The following CUBN variants were observed in gnomAD, a reference collection of about 807,000 sequenced individuals.
CUBN encodes the protein cubilin.
A neutral mutation model predicts 405.3 loss-of-function variants in CUBN; 282 were observed. That is an observed-to-expected ratio of 0.70 (90% CI 0.63 to 0.77). The LOEUF (loss-of-function observed/expected upper bound fraction) is 0.77, where lower values mean the gene tolerates loss of function less well. Among genes scored for constraint, CUBN ranks in the 30% least tolerant of loss-of-function variants. The pLI is 0.00. For synonymous variants in CUBN, 1,684 were observed against 1,617.0 expected (o/e 1.04, Z -0.99); for missense variants, 4,514 against 4,475.2 (o/e 1.01, Z -0.25).
intron 28 of CUBN, among the ~76,000 whole-genome samples, chr10:16,998,791 G>T (rs1272912423): frequency 7.2e-5 from 11 of 152,174 alleles, no homozygotes; most frequent in African/African-American, 2.4e-4. Flanking sequence ...AAACAGAAAA[G>T]GTCTATTGTT....
intron 31 of CUBN, among the ~76,000 whole-genome samples, chr10:16,965,439 C>T (rs931012622): frequency 2.0e-5 from 3 of 152,196 alleles, no homozygotes; most frequent in Admixed American, 1.3e-4. Flanking sequence ...GGCTGCCCCT[C>T]TCTGCTGTAA....
chr10:17,008,335 C>CGTGTGTGTGT (rs10678462), intron 28 of CUBN, among the ~76,000 whole-genome samples: 1 of 138,894 alleles, frequency 7.2e-6, no homozygotes, highest in South Asian at 2.4e-4. Context: ...AGTCCCTCCC[C>CGTGTGTGTGT]GTGTGTGTGT....
At chr10:16,924,509 T>C (rs1168406155) in intron 43 of CUBN, among the ~76,000 whole-genome samples, 1 of 151,586 alleles carries the variant, frequency 6.6e-6, no homozygotes, top group Non-Finnish European at 1.5e-5. Flanking sequence ...TTCATTTACA[T>C]ATATATATAT....
intron 47 of CUBN, among the ~76,000 whole-genome samples, chr10:16,914,541 A>G (rs1841827389): frequency 6.6e-6 from 1 of 152,036 alleles, no homozygotes; most frequent in South Asian, 2.1e-4. Flanking sequence ...CCTGGACAAC[A>G]GAGCGAGACA....
chr10:16,907,432 C>T (rs1415589224), intron 49 of CUBN, 76 bp downstream of exon 49: 2 of 1,439,018 alleles, frequency 1.4e-6, no homozygotes, highest in Non-Finnish European at 2.0e-6. Context: ...GATGGCTCTG[C>T]TGCCATTGGC....
intron 63 of CUBN, among the ~76,000 whole-genome samples, chr10:16,836,017 A>G (rs1839157404): frequency 6.6e-6 from 1 of 152,358 alleles, no homozygotes; most frequent in East Asian, 1.9e-4. Flanking sequence ...TAGCATTCTA[A>G]CCATCCTGGA....
chr10:16,975,681 A>G (rs1833072052), intron 31 of CUBN, among the ~76,000 whole-genome samples: 1 of 132,044 alleles, frequency 7.6e-6, no homozygotes. Context: ...GCCAGGCTGG[A>G]GTGCAGTGGT....
intron 56 of CUBN, among the ~76,000 whole-genome samples, chr10:16,881,175 T>C (rs183171022): frequency 1.7e-4 from 26 of 152,246 alleles, no homozygotes; most frequent in African/African-American, 5.8e-4. Context: ...TAGGGAAAAA[T>C]TGCTGATGCT....
At chr10:17,064,712 T>A (rs1490641820) in intron 22 of CUBN, among the ~76,000 whole-genome samples, 1 of 152,174 alleles carries the variant, frequency 6.6e-6, no homozygotes, top group Non-Finnish European at 1.5e-5. Context: ...CACAGGCTCT[T>A]GGGGCTGGGA....
At chr10:17,044,284 AAAAT>A (rs1468910096) in intron 25 of CUBN, among the ~76,000 whole-genome samples, 1 of 147,392 alleles carries the variant, frequency 6.8e-6, no homozygotes, top group African/African-American at 2.5e-5. Flanking sequence ...AAATATATAT[AAAAT>A]AAATATATCT....
At position 16,992,588 on chromosome 10, in the gene CUBN, A is replaced by C. The variant is rs560301229; in HGVS notation, c.4169-2073T>G. Among the ~76,000 whole-genome samples the C allele has an allele frequency of 2.2e-3, 336 of 152,320 alleles. 1 individual carries two copies. The highest frequency in any genetic ancestry group is 7.9e-3 in the African/African-American group (327 of 41,578). Reference sequence around the variant, plus strand: ...TTTTAAAAGTTAAGGAGTTAAAAAAAAAATCTCCGTGCAGAATTCCCCACT... The same window carrying C: ...TTTTAAAAGTTAAGGAGTTAAAAAACAAATCTCCGTGCAGAATTCCCCACT... On this transcript the variant is annotated intron_variant, in intron 28 of 66. Coordinates refer to ENST00000377833, the MANE Select transcript of CUBN (RefSeq NM_001081.4).
intron 50 of CUBN, among the ~76,000 whole-genome samples, chr10:16,905,055 C>T (rs931281581): frequency 2.0e-5 from 3 of 152,188 alleles, no homozygotes; most frequent in African/African-American, 4.8e-5. Flanking sequence ...TTAACATTGA[C>T]CTCTCAGTTT....
At chr10:16,846,812 CAA>C (rs59819645) in intron 60 of CUBN, among the ~76,000 whole-genome samples, 28 of 135,026 alleles carry the variant, frequency 2.1e-4, no homozygotes, top group African/African-American at 4.7e-4. Flanking sequence ...AACTCTGTCT[CAA>C]AAAAAAAAAA....
At chr10:16,872,793 T>C (rs1053129735) in intron 58 of CUBN, among the ~76,000 whole-genome samples, 2 of 152,222 alleles carry the variant, frequency 1.3e-5, no homozygotes, top group Admixed American at 6.5e-5. Context: ...CCTTACACTT[T>C]CACGCCTGTG....
intron 56 of CUBN, among the ~76,000 whole-genome samples, chr10:16,887,882 T>C (rs888886602): frequency 3.3e-5 from 5 of 152,182 alleles, no homozygotes; most frequent in East Asian, 3.9e-4. Flanking sequence ...CACAATGGAA[T>C]ACTCTTTGGC....
In CUBN at chr10:17,068,201, G is replaced by T. The variant is rs1365358699; in HGVS notation, c.2871C>A (p.Asn957Lys). ...GHPNVYPHGI[N>K]CTWHILVQPN... ...GTTGGACTAATATATGCCAAGTACA[G>T]TTGATACCGTGGGGGTAGACATTTG... Residue 957 changes from asparagine (N) to lysine (K), a missense_variant, in exon 21 of 67, where the codon AAC becomes AAA. Around this residue, in one of 5 missense-constraint regions of CUBN, gnomAD observed 1,448 missense variants for 1,388.0 expected, o/e 1.04. Coordinates refer to ENST00000377833, the MANE Select transcript of CUBN (RefSeq NM_001081.4). The T allele has an allele frequency of 3.1e-6, 5 of 1,613,644 alleles. No homozygotes were observed. The South Asian group carries it at 5.5e-5, about 18-fold the overall frequency.
chr10:17,035,485 T>C (rs533931840), intron 27 of CUBN, among the ~76,000 whole-genome samples: 2 of 152,254 alleles, frequency 1.3e-5, no homozygotes, highest in African/African-American at 4.8e-5. Context: ...AGAAGAGACA[T>C]GGAATTCCAG....
intron 38 of CUBN, 110 bp downstream of exon 38, chr10:16,938,853 A>G: frequency 1.1e-6 from 1 of 937,616 alleles, no homozygotes; most frequent in Non-Finnish European, 1.7e-6. Flanking sequence ...GATTTAGAGC[A>G]GACTATCCCA....
chr10:16,938,348 G>C lies in CUBN; in HGVS notation c.5734-564C>G, dbSNP rs557790863. Reference sequence around the variant, plus strand: ...TTTAAAATCTCAAATTACCTATTTTGAGGCATATTCTGTGATAATTTTTAA... The same window carrying C: ...TTTAAAATCTCAAATTACCTATTTTCAGGCATATTCTGTGATAATTTTTAA... On this transcript the variant is annotated intron_variant, in intron 38 of 66. Transcript: ENST00000377833. 8.5e-5 allele frequency among the ~76,000 whole-genome samples: 13 copies of C among 152,224 alleles called. No individual in the cohort carries two copies. In the South Asian group the frequency reaches 2.7e-3, roughly 32 times the overall value.
Sources: allele counts gnomAD v4.1 joint callset (sites outside exome capture counted in the v4.1 genomes callset), GRCh38; gene constraint gnomAD v4.1.1; regional missense constraint gnomAD v4.1.1; transcripts MANE v1.5; gene names NCBI Gene and HGNC (gene_info 2026-07-23, HGNC 2026-07-21).